LCMT1: variants seen among roughly 807,000 people sequenced by gnomAD.
LCMT1 encodes [Phosphatase 2A protein]-leucine-carboxy methyltransferase 1.
LCMT1 carries 32 observed loss-of-function variants against 47.7 expected under a neutral mutation model. That is an observed-to-expected ratio of 0.67 (90% confidence interval 0.51 to 0.90). The LOEUF (loss-of-function observed/expected upper bound fraction) is 0.90, where lower values mean the gene tolerates loss of function less well. LCMT1 is among the 40% of genes least tolerant of loss of function. LCMT1 has a pLI of 0.00. For synonymous variants in LCMT1, 152 were observed against 149.7 expected (o/e 1.02, Z -0.11); for missense variants, 375 against 415.2 (o/e 0.90, Z 0.84).
chr16:25,176,324 G>A (rs1461090653), intron 10 of LCMT1, among the ~76,000 whole-genome samples: 1 of 152,006 alleles, frequency 6.6e-6, no homozygotes, highest in African/African-American at 2.4e-5. Context: ...CAAGCTTCCC[G>A]CAGATGTAAT....
chr16:25,164,688 T>G lies in LCMT1; in HGVS notation c.660T>G (p.Phe220Leu), dbSNP rs1247605278. Residue 220 changes from phenylalanine (F) to leucine (L), a missense_variant, in exon 7 of 11, where the codon TTT becomes TTG. Phe to Leu is a conservative substitution (Grantham distance 22). Transcript: ENST00000399069. The stretch of plus-strand genomic sequence containing the variant: ...TCCTGAAGTGGGCAGCCAACAGTTT[T>G]GAGAGAGCCATGTTCATAAACTACG... ...ANLLKWAANS[F>L]ERAMFINYEQ... 6.2e-7 allele frequency: 1 copy of G among 1,614,034 alleles called. No individual in the cohort carries two copies. The highest frequency in any genetic ancestry group is 1.7e-5 in the Admixed American group (1 of 60,020).
Position 25,178,218 on chromosome 16 carries a change from A to C in LCMT1, c.*195A>C, listed in dbSNP as rs111798702. On this transcript the variant is annotated 3_prime_UTR_variant, in exon 11 of 11. Coordinates refer to ENST00000399069, the MANE Select transcript of LCMT1 (RefSeq NM_016309.3). ...ACATGTCGTTGTTTAAATAAATCTC[A>C]CTTGCCACCAGTCGCCTGTGGTTGG... 8.6e-3 allele frequency: 4,841 copies of C among 564,560 alleles called. 205 individuals carry two copies. The highest frequency in any genetic ancestry group is 0.084 in the African/African-American group (4,328 of 51,566). The allele number at this position is 564,560 out of a possible 1,614,324, so 35.0% of individuals were successfully genotyped here.
rs1381704895 is a variant in LCMT1 at position 25,116,166 on chromosome 16, TTGGC to T, written c.113+4174_113+4177del. ...GTGTTAGACCTTTAGGATATGGGCT[TTGGC>T]TGGGTGATTTGGGGGAGGGTCAAGG... On this transcript the variant is annotated intron_variant, in intron 1 of 10. Transcript: ENST00000399069. Among the ~76,000 whole-genome samples, 6 of 152,120 alleles carry T rather than the reference TTGGC, an allele frequency of 3.9e-5. No individual in the cohort carries two copies. In the East Asian group the frequency reaches 1.2e-3, roughly 29 times the overall value.
intron 1 of LCMT1, among the ~76,000 whole-genome samples, chr16:25,117,174 T>C (rs1453975765): frequency 6.6e-6 from 1 of 152,188 alleles, no homozygotes; most frequent in Non-Finnish European, 1.5e-5. Flanking sequence ...GAAGGGTTGG[T>C]GACACAAGGG....
intron 2 of LCMT1, chr16:25,132,005 G>C: frequency 3.6e-6 from 1 of 280,312 alleles, no homozygotes. Context: ...TCAGTTTCCT[G>C]ACCCATACTA....
intron 1 of LCMT1, among the ~76,000 whole-genome samples, chr16:25,125,558 G>A (rs550676230): frequency 6.6e-6 from 1 of 152,054 alleles, no homozygotes; most frequent in African/African-American, 2.4e-5. Context: ...TGTTGGGTCG[G>A]GCGCGGTGGC....
At position 25,111,961 on chromosome 16, in the gene LCMT1, G is replaced by A; in HGVS notation, c.78G>A (p.Val26=). 6.2e-7 allele frequency: 1 copy of A among 1,613,610 alleles called. No homozygotes were observed. Among genetic ancestry groups the A allele is most frequent in the Non-Finnish European group, 8.5e-7 (1 of 1,179,748 alleles). The change falls in exon 1 of 11, where the codon GTG becomes GTA. Residue 26 remains valine, a synonymous_variant. Coordinates refer to ENST00000399069, the MANE Select transcript of LCMT1 (RefSeq NM_016309.3). ...GCTGCGACGCAGACGACGAGGGCGT[G>A]CGCGGCACCTGCGAAGATGCTTCCC... The part of the protein sequence containing the change: ...TSSCDADDEG[V]RGTCEDASLC...
intron 4 of LCMT1, chr16:25,146,929 T>G (rs1198818977): frequency 6.6e-6 from 1 of 152,196 alleles, no homozygotes; most frequent in East Asian, 1.9e-4. Flanking sequence ...CATTCTAGCT[T>G]TTTCTAGGTT....
chr16:25,128,060 A>G (rs761141490), intron 1 of LCMT1, among the ~76,000 whole-genome samples: 3 of 152,228 alleles, frequency 2.0e-5, no homozygotes, highest in African/African-American at 4.8e-5. Flanking sequence ...GCTGTTTGTC[A>G]AGTGTTTCTA....
chr16:25,112,427 G>C (rs1959650641), intron 1 of LCMT1, among the ~76,000 whole-genome samples: 2 of 152,314 alleles, frequency 1.3e-5, no homozygotes, highest in South Asian at 2.1e-4. Context: ...TCAGGATGAC[G>C]AGGGGAAATA....
chr16:25,175,748 C>T (rs561453312), intron 10 of LCMT1, among the ~76,000 whole-genome samples: 13 of 152,208 alleles, frequency 8.5e-5, no homozygotes, highest in African/African-American at 3.1e-4. Flanking sequence ...TTCTTCTTCC[C>T]AAAATGAAAG....
At chr16:25,142,345 C>T (rs542187796) in intron 4 of LCMT1, 44 of 152,322 alleles carry the variant, frequency 2.9e-4, no homozygotes, top group African/African-American at 1.1e-3. Context: ...CTTTTTTCCA[C>T]CCTTTTTGGT....
chr16:25,132,454 G>A lies in LCMT1; in HGVS notation c.258G>A (p.Arg86=), dbSNP rs1254851816. 1 of 1,613,850 alleles carries A rather than the reference G, an allele frequency of 6.2e-7. No homozygotes were observed. Among genetic ancestry groups the A allele is most frequent in the Non-Finnish European group, 8.5e-7 (1 of 1,179,828 alleles). The part of the protein sequence containing the change: ...GVSQLIKAFL[R]KTECHCQIVN... ...GTCAGCTTATAAAGGCATTTCTACG[G>A]AAGACAGAATGTCATTGTCAAATTG... The change falls in exon 3 of 11, where the codon CGG becomes CGA. Residue 86 remains arginine (R), a synonymous_variant. Transcript: ENST00000399069.
At chr16:25,166,223 C>T (rs938556573) in intron 7 of LCMT1, among the ~76,000 whole-genome samples, 10 of 149,450 alleles carry the variant, frequency 6.7e-5, no homozygotes, top group African/African-American at 2.5e-4. Context: ...TGAGCCGAGA[C>T]TGCACCACTA....
chr16:25,127,058 C>G (rs570513798), intron 1 of LCMT1, among the ~76,000 whole-genome samples: 1 of 152,308 alleles, frequency 6.6e-6, no homozygotes, highest in Admixed American at 6.5e-5. Context: ...CTTACACCCT[C>G]AACACACACT....
Position 25,178,074 on chromosome 16 carries a change from G to A in LCMT1, c.*51G>A. ...GAAGCCGAAGCCACTTGCCCTCCTG[G>A]AGGAGACCTGCAAGCTCCCTGAGCG... On this transcript the variant is annotated 3_prime_UTR_variant, in exon 11 of 11. Coordinates refer to ENST00000399069, the MANE Select transcript of LCMT1 (RefSeq NM_016309.3). 1 of 1,594,600 alleles carries A rather than the reference G, an allele frequency of 6.3e-7. No individual in the cohort carries two copies. Among genetic ancestry groups the A allele is most frequent in the Non-Finnish European group, 8.6e-7 (1 of 1,164,286 alleles).
In LCMT1 at chr16:25,161,167, C is replaced by G; in HGVS notation, c.532C>G (p.Leu178Val). 3 of 1,609,340 alleles carry G rather than the reference C, an allele frequency of 1.9e-6. No homozygotes were observed. Among genetic ancestry groups the G allele is most frequent in the Non-Finnish European group, 2.5e-6 (3 of 1,178,032 alleles). Residue 178 changes from leucine to valine, a missense_variant, in exon 6 of 11, where the codon CTG (leucine) becomes GTG (valine). Leu to Val is a conservative substitution (Grantham distance 32, BLOSUM62 1). Transcript: ENST00000399069. ...IGADLRDLSELEEKLKKCNMN... is the reference protein window; with the variant it reads ...IGADLRDLSEVEEKLKKCNMN... ...AGCAGATCTCCGAGACCTGTCTGAA[C>G]TGGAAGAGAAGCTAAAGAAATGTAA...
intron 6 of LCMT1, 120 bp from the exon 7 acceptor site, chr16:25,164,478 T>C: frequency 8.6e-7 from 1 of 1,167,764 alleles, no homozygotes; most frequent in East Asian, 2.5e-5. Flanking sequence ...CTGTGCTTGC[T>C]CAGGCCTTCT....
intron 9 of LCMT1, among the ~76,000 whole-genome samples, chr16:25,174,488 T>TG (rs1332529166): frequency 1.3e-5 from 2 of 152,206 alleles, no homozygotes; most frequent in African/African-American, 4.8e-5. Flanking sequence ...TTACGCAACT[T>TG]GCTTTTTAAA....
Sources: allele counts gnomAD v4.1 joint callset (sites outside exome capture counted in the v4.1 genomes callset), GRCh38; gene constraint gnomAD v4.1.1; transcripts MANE v1.5; gene names NCBI Gene and HGNC (gene_info 2026-07-23, HGNC 2026-07-21).